The following SLC5A11 variants were observed in gnomAD, a reference collection of about 807,000 sequenced individuals.
SLC5A11 encodes the protein solute carrier family 5 member 11.
In SLC5A11, 48 loss-of-function variants were observed where a neutral mutation model predicts 69.8. The ratio of observed to expected loss-of-function variants is 0.69; its 90% confidence interval spans 0.55 to 0.87. The LOEUF (loss-of-function observed/expected upper bound fraction) is 0.87. Among genes scored for constraint, SLC5A11 ranks in the 40% least tolerant of loss-of-function variants. The pLI is 0.00. For synonymous variants in SLC5A11, 319 were observed against 342.4 expected, an observed-to-expected ratio of 0.93 and a Z score of 0.75; for missense variants, 784 against 866.1, an observed-to-expected ratio of 0.91 and a Z score of 1.19.
intron 7 of SLC5A11, among the ~76,000 whole-genome samples, chr16:24,877,692 A>G (rs1381100635): frequency 6.6e-6 from 1 of 152,186 alleles, no homozygotes; most frequent in African/African-American, 2.4e-5. Flanking sequence ...TCTACTAAAA[A>G]TAGAAAAATT....
intron 3 of SLC5A11, among the ~76,000 whole-genome samples, chr16:24,868,634 A>G (rs1307757628): frequency 2.0e-5 from 3 of 151,438 alleles, no homozygotes; most frequent in Admixed American, 2.0e-4. Flanking sequence ...TCCCAATTTG[A>G]AAACTTACTA....
At chr16:24,851,516 G>A (rs1174641099) in intron 1 of SLC5A11, among the ~76,000 whole-genome samples, 1 of 152,060 alleles carries the variant, frequency 6.6e-6, no homozygotes, top group Non-Finnish European at 1.5e-5. Context: ...CTGCACTACA[G>A]TCTGGGGGAC....
intron 10 of SLC5A11, among the ~76,000 whole-genome samples, chr16:24,898,839 C>T (rs1365296612): frequency 6.6e-6 from 1 of 150,854 alleles, no homozygotes; most frequent in Non-Finnish European, 1.5e-5. Context: ...TTTTTAAAGA[C>T]AGGGTCTCAC....
At chr16:24,901,554 G>A (rs1014681179) in intron 10 of SLC5A11, among the ~76,000 whole-genome samples, 21 of 151,986 alleles carry the variant, frequency 1.4e-4, no homozygotes, top group South Asian at 4.1e-4. Flanking sequence ...GGTTGAGGCT[G>A]CAGTGAGCCA....
At chr16:24,888,680 C>T (rs573249192) in intron 8 of SLC5A11, among the ~76,000 whole-genome samples, 3 of 150,094 alleles carry the variant, frequency 2.0e-5, no homozygotes, top group Non-Finnish European at 3.0e-5. Context: ...GATGGGGTTT[C>T]ACCATGTTGG....
intron 10 of SLC5A11, among the ~76,000 whole-genome samples, chr16:24,901,959 C>CACA (rs796922215): frequency 3.1e-5 from 3 of 95,550 alleles, no homozygotes; most frequent in African/African-American, 1.7e-4. Context: ...CACACACACG[C>CACA]ACACACACAC....
chr16:24,873,649 C>T (rs1346422075), intron 5 of SLC5A11, among the ~76,000 whole-genome samples: 7 of 151,320 alleles, frequency 4.6e-5, no homozygotes, highest in Non-Finnish European at 7.4e-5. Flanking sequence ...GGTGACACAG[C>T]GAGACCCCGT....
At chr16:24,862,400 G>T (rs1481802781) in intron 2 of SLC5A11, among the ~76,000 whole-genome samples, 1 of 152,228 alleles carries the variant, frequency 6.6e-6, no homozygotes, top group Admixed American at 6.5e-5. Context: ...TAGGAGCTTT[G>T]TTGACCTGAA....
chr16:24,905,635 C>T (rs1046636437), intron 10 of SLC5A11, among the ~76,000 whole-genome samples: 6 of 77,200 alleles, frequency 7.8e-5, no homozygotes, highest in Non-Finnish European at 1.8e-4. Flanking sequence ...AACACGCGCG[C>T]GCGCGCACAC....
intron 2 of SLC5A11, among the ~76,000 whole-genome samples, chr16:24,861,767 AAG>A (rs1428071160): frequency 4.0e-5 from 6 of 150,276 alleles, no homozygotes; most frequent in African/African-American, 9.9e-5. Flanking sequence ...GAAAGAAAGA[AAG>A]AGAAAGAAAA....
intron 9 of SLC5A11, among the ~76,000 whole-genome samples, chr16:24,893,996 T>C (rs1026977767): frequency 6.6e-6 from 1 of 152,214 alleles, no homozygotes; most frequent in Non-Finnish European, 1.5e-5. Context: ...ACAATAGCAG[T>C]GATGATGACA....
At chr16:24,900,936 A>G (rs77095809) in intron 10 of SLC5A11, among the ~76,000 whole-genome samples, 4 of 148,550 alleles carry the variant, frequency 2.7e-5, no homozygotes, top group Admixed American at 6.8e-5. Context: ...AAAAAAAAAA[A>G]AAAGGAAAGA....
At chr16:24,882,266 A>G (rs2048097507) in intron 7 of SLC5A11, among the ~76,000 whole-genome samples, 1 of 152,176 alleles carries the variant, frequency 6.6e-6, no homozygotes, top group Admixed American at 6.5e-5. Flanking sequence ...CATATGAGAG[A>G]TTCTCATCAC....
At position 24,907,139 on chromosome 16, in the gene SLC5A11, C is replaced by T. The variant is rs767889770; in HGVS notation, c.1229C>T (p.Pro410Leu). The T allele has an allele frequency of 4.3e-6, 7 of 1,614,152 alleles. No individual in the cohort carries two copies. The South Asian group carries it at 6.6e-5, about 15-fold the overall frequency. Reference sequence around the variant, plus strand: ...ATGGACCTCTGGAATCACCTCCGGCCTCGGGCATCTGAGAAGGAGCTCATG... The same window carrying T: ...ATGGACCTCTGGAATCACCTCCGGCTTCGGGCATCTGAGAAGGAGCTCATG... The change falls in exon 12 of 16, where the codon CCT (proline) becomes CTT (leucine). Residue 410 changes from proline to leucine, a missense_variant. Coordinates refer to ENST00000347898, the Ensembl canonical transcript of SLC5A11.
exon 16 of SLC5A11, chr16:24,911,441 C>T: frequency 6.2e-7 from 1 of 1,614,148 alleles, no homozygotes; most frequent in African/African-American, 1.3e-5. Context: ...CATAGTTTCC[C>T]TGGAAGAAAA....
chr16:24,889,038 G>A lies in SLC5A11; in HGVS notation c.665-1831G>A, dbSNP rs1597194493. ...TCTTGAATTCCTGACCTAAGGTGAT[G>A]CACCCGCGTTGGCCTCCCAAAGTGC... is the stretch of plus-strand genomic sequence containing the variant. On this transcript the variant is annotated intron_variant, in intron 8 of 15. Transcript: ENST00000347898. 2.0e-5 allele frequency among the ~76,000 whole-genome samples: 3 copies of A among 148,974 alleles called. No individual in the cohort carries two copies. The South Asian group carries it at 6.4e-4, about 32-fold the overall frequency.
At chr16:24,906,593 G>A (rs2050077690) in intron 10 of SLC5A11, 64 bp from the exon 12 acceptor site, 6 of 1,048,240 alleles carry the variant, frequency 5.7e-6, no homozygotes, top group Non-Finnish European at 7.0e-6. Context: ...CCGGCCCCAT[G>A]TTGCCTGGGC....
intron 9 of SLC5A11, among the ~76,000 whole-genome samples, chr16:24,894,665 G>T (rs1197072305): frequency 6.6e-6 from 1 of 152,132 alleles, no homozygotes; most frequent in Non-Finnish European, 1.5e-5. Context: ...ATTGGGCATG[G>T]TGGTGGGCAC....
At chr16:24,856,719 C>T (rs987060498) in intron 1 of SLC5A11, among the ~76,000 whole-genome samples, 6 of 149,956 alleles carry the variant, frequency 4.0e-5, no homozygotes, top group African/African-American at 7.3e-5. Flanking sequence ...TGTAGTGAGC[C>T]GAGATCAGGC....
Sources: gnomAD v4.1 joint callset for allele counts (sites outside exome capture counted in the v4.1 genomes callset) on GRCh38, gnomAD v4.1.1 for gene constraint, MANE v1.5 for transcripts, NCBI Gene and HGNC (gene_info 2026-07-23, HGNC 2026-07-21) for gene names.